MTX2: variants seen among roughly 807,000 people sequenced by gnomAD.
MTX2 encodes the protein metaxin-2.
In MTX2, 35 loss-of-function variants were observed where a neutral mutation model predicts 42.3. The ratio of observed to expected loss-of-function variants is 0.83; its 90% CI spans 0.63 to 1.10. MTX2 has a LOEUF of 1.10. MTX2 is among the 50% of genes least tolerant of loss of function. The probability of loss-of-function intolerance (pLI) is 0.00; values close to 1 mark genes in which losing one functional copy is unlikely to be tolerated. For synonymous variants in MTX2, 119 were observed against 100.9 expected (o/e 1.18, Z -1.08); for missense variants, 307 against 304.1 (o/e 1.01, Z -0.07).
intron 3 of MTX2, among the ~76,000 whole-genome samples, chr2:176,314,995 CAG>C (rs757635358): frequency 8.5e-5 from 13 of 152,154 alleles, no homozygotes; most frequent in Admixed American, 3.9e-4. Context: ...GAAGTGCTAA[CAG>C]ATAGTATGAT....
intron 1 of MTX2, among the ~76,000 whole-genome samples, chr2:176,284,021 A>T (rs1693138325): frequency 6.6e-6 from 1 of 152,096 alleles, no homozygotes; most frequent in Admixed American, 6.5e-5. Flanking sequence ...AGTAACAATT[A>T]CAAGACTCTT....
At chr2:176,329,276 T>G (rs772281523) in intron 7 of MTX2, 25 bp from the exon 8 acceptor site, 1 of 1,571,038 alleles carries the variant, frequency 6.4e-7, no homozygotes. Context: ...AGGATCACCT[T>G]TTTTACAAAA....
intron 6 of MTX2, 25 bp downstream of exon 6, chr2:176,328,410 GA>G (rs1684772084): frequency 3.6e-6 from 5 of 1,384,010 alleles, no homozygotes; most frequent in Middle Eastern, 2.0e-4. Flanking sequence ...GATACGGCTT[GA>G]AAATAAGCTT....
intron 1 of MTX2, among the ~76,000 whole-genome samples, chr2:176,270,604 A>C (rs1422095112): frequency 6.6e-6 from 1 of 152,248 alleles, no homozygotes; most frequent in Admixed American, 6.5e-5. Context: ...AAATAGGTAC[A>C]TTTGAAGTAA....
At chr2:176,336,405 G>A (rs1316237753) in intron 9 of MTX2, among the ~76,000 whole-genome samples, 1 of 152,048 alleles carries the variant, frequency 6.6e-6, no homozygotes, top group East Asian at 1.9e-4. Flanking sequence ...TTAAAGTTGT[G>A]TCTTGTTGTT....
intron 1 of MTX2, among the ~76,000 whole-genome samples, chr2:176,294,299 T>TC (rs1390529372): frequency 7.4e-6 from 1 of 134,810 alleles, no homozygotes; most frequent in Admixed American, 7.7e-5. Context: ...TTTTTTTTTT[T>TC]CCTAAGACAG....
At chr2:176,301,700 T>G (rs566717948) in intron 3 of MTX2, among the ~76,000 whole-genome samples, 2 of 152,272 alleles carry the variant, frequency 1.3e-5, no homozygotes, top group African/African-American at 4.8e-5. Context: ...GATATTGAAG[T>G]TTCACCTAAC....
At chr2:176,280,795 A>G (rs955509063) in intron 1 of MTX2, among the ~76,000 whole-genome samples, 2 of 152,186 alleles carry the variant, frequency 1.3e-5, no homozygotes, top group African/African-American at 2.4e-5. Context: ...TAAAATTTCC[A>G]CATCACACAG....
At chr2:176,293,398 G>A (rs893748954) in intron 1 of MTX2, among the ~76,000 whole-genome samples, 8 of 152,158 alleles carry the variant, frequency 5.3e-5, no homozygotes, top group Non-Finnish European at 1.2e-4. Context: ...CACTGATACA[G>A]TTTGGATGTT....
At chr2:176,288,661 T>TA (rs1693260085) in intron 1 of MTX2, among the ~76,000 whole-genome samples, 1 of 151,502 alleles carries the variant, frequency 6.6e-6, no homozygotes, top group Non-Finnish European at 1.5e-5. Context: ...ATGATAGGTT[T>TA]GTGTAGAGTT....
intron 1 of MTX2, among the ~76,000 whole-genome samples, chr2:176,293,923 G>T (rs1173987600): frequency 6.6e-6 from 1 of 152,072 alleles, no homozygotes; most frequent in Non-Finnish European, 1.5e-5. Flanking sequence ...ATGATAAACT[G>T]CAATTCCTAG....
intron 3 of MTX2, among the ~76,000 whole-genome samples, chr2:176,302,925 A>G (rs1442471261): frequency 2.0e-5 from 3 of 152,170 alleles, no homozygotes; most frequent in African/African-American, 4.8e-5. Flanking sequence ...AGGAGAGAGG[A>G]ATATCTGTCT....
chr2:176,330,543 T>G (rs764771896), intron 8 of MTX2, 41 bp from the exon 9 acceptor site: 7 of 1,391,526 alleles, frequency 5.0e-6, no homozygotes, highest in Non-Finnish European at 5.9e-6. Flanking sequence ...ATTGTTTTGC[T>G]AATTGAAATA....
At chr2:176,301,721 C>G (rs1684027596) in intron 3 of MTX2, among the ~76,000 whole-genome samples, 1 of 152,104 alleles carries the variant, frequency 6.6e-6, no homozygotes, top group Admixed American at 6.6e-5. Context: ...AATAAGTGAT[C>G]ATTTAATCAC....
chr2:176,300,886 T>C (rs1043577609), intron 3 of MTX2, among the ~76,000 whole-genome samples: 5 of 152,086 alleles, frequency 3.3e-5, no homozygotes, highest in Non-Finnish European at 2.9e-5. Context: ...ATATTGTAAA[T>C]ATGCAATGAA....
At chr2:176,269,786 A>G (rs1692751760) in intron 1 of MTX2, 117 bp downstream of exon 1, 3 of 1,261,822 alleles carry the variant, frequency 2.4e-6, no homozygotes. Flanking sequence ...CCCGGCCCGG[A>G]TGGTGGAGGC....
chr2:176,325,733 AAAC>A (rs1378767881), intron 4 of MTX2, among the ~76,000 whole-genome samples: 8 of 151,796 alleles, frequency 5.3e-5, no homozygotes, highest in Admixed American at 1.3e-4. Context: ...CGAGTTAAGA[AAAC>A]AATGTGGCCT....
chr2:176,293,494 C>A (rs1464019743), intron 1 of MTX2, among the ~76,000 whole-genome samples: 1 of 152,154 alleles, frequency 6.6e-6, no homozygotes, highest in Non-Finnish European at 1.5e-5. Context: ...GGGGGTGGAT[C>A]CCTCATGAAT....
At chr2:176,283,687 C>A (rs779090648) in intron 1 of MTX2, among the ~76,000 whole-genome samples, 2 of 152,172 alleles carry the variant, frequency 1.3e-5, no homozygotes, top group Admixed American at 1.3e-4. Flanking sequence ...TAGGTGCTGA[C>A]ATTACAGTGA....
Sources: gnomAD v4.1 joint callset for allele counts (sites outside exome capture counted in the v4.1 genomes callset) on GRCh38, gnomAD v4.1.1 for gene constraint, MANE v1.5 for transcripts, NCBI Gene and HGNC (gene_info 2026-07-23, HGNC 2026-07-21) for gene names.